The following EBF3 variants were observed in gnomAD, a reference collection of about 807,000 sequenced individuals.
The protein encoded by EBF3 is EBF transcription factor 3, also known as transcription factor COE3.
EBF3 carries 18 observed loss-of-function variants against 77.1 expected under a neutral mutation model. The observed-to-expected ratio is 0.23, with a 90% CI of 0.16 to 0.35. EBF3 has a LOEUF of 0.35. Among genes scored for constraint, EBF3 ranks in the 10% least tolerant of loss-of-function variants. The probability of loss-of-function intolerance (pLI) is 1.00; values close to 1 mark genes in which losing one functional copy is unlikely to be tolerated. For missense variants in EBF3, 558 were observed against 860.0 expected (o/e 0.65, Z 4.39); for synonymous variants, 350 against 343.5 (o/e 1.02, Z -0.21).
chr10:129,947,740 C>T lies in EBF3; in HGVS notation c.554+9518G>A, dbSNP rs905683349. Among the ~76,000 whole-genome samples, 3 of 150,596 alleles carry T rather than the reference C, an allele frequency of 2.0e-5. No individual in the cohort carries two copies. Among genetic ancestry groups the T allele is most frequent in the African/African-American group, 7.3e-5 (3 of 40,894 alleles). Reference sequence around the variant, plus strand: ...GCAAACTTCTGAAAGCCTGGTGAACCCCACTGATGACATCCAAACACCGAA... The same window carrying T: ...GCAAACTTCTGAAAGCCTGGTGAACTCCACTGATGACATCCAAACACCGAA... On this transcript the variant is annotated intron_variant, in intron 6 of 16. Transcript: ENST00000440978. The surrounding 1 kb of genome is among the most constrained non-coding windows in gnomAD (Gnocchi z 4.5).
At chr10:129,857,194 A>G (rs2134018832) in intron 10 of EBF3, among the ~76,000 whole-genome samples, 1 of 152,358 alleles carries the variant, frequency 6.6e-6, no homozygotes, top group South Asian at 2.1e-4. Flanking sequence ...CTTTAAAGAC[A>G]TCACCAAGAT....
intron 9 of EBF3, 33 bp from the exon 10 acceptor site, chr10:129,867,300 C>G: frequency 6.2e-7 from 1 of 1,612,062 alleles, no homozygotes; most frequent in South Asian, 1.1e-5. Context: ...AGGCGCTCAG[C>G]GGCGCTGGCT....
chr10:129,840,185 C>CA, intron 15 of EBF3, 60 bp downstream of exon 15: 216 of 1,368,514 alleles, frequency 1.6e-4, no homozygotes, highest in Non-Finnish European at 2.0e-4. Flanking sequence ...CCCACCCCCA[C>CA]TCCCATCCCC....
intron 4 of EBF3, among the ~76,000 whole-genome samples, chr10:129,960,063 C>T (rs1273445173): frequency 4.0e-5 from 6 of 151,368 alleles, no homozygotes; most frequent in African/African-American, 1.5e-4. Context: ...GATCGGGAGC[C>T]GCCCGCCCGG....
At chr10:129,869,782 A>G (rs1259415129) in intron 8 of EBF3, among the ~76,000 whole-genome samples, 2 of 152,234 alleles carry the variant, frequency 1.3e-5, no homozygotes, top group Non-Finnish European at 2.9e-5. Flanking sequence ...GCAGAGGCGC[A>G]GAGCACACAC....
chr10:129,884,450 T>C (rs925245521), intron 6 of EBF3, among the ~76,000 whole-genome samples: 1 of 152,234 alleles, frequency 6.6e-6, no homozygotes, highest in Admixed American at 6.5e-5. Flanking sequence ...CGTTCTTTAA[T>C]GCCATACGGG....
chr10:129,867,794 C>T lies in EBF3; in HGVS notation c.900G>A (p.Leu300=), dbSNP rs745429724. The T allele has an allele frequency of 3.3e-5, 53 of 1,614,100 alleles. No homozygotes were observed. The highest frequency in any genetic ancestry group is 8.3e-5 in the Admixed American group (5 of 60,014). Residue 300 remains leucine (L), a synonymous_variant, in exon 9 of 17, where the codon TTG becomes TTA. Transcript: ENST00000440978. ...DGLQVVFGTM[L]VWSELITPHA... Reference sequence around the variant, plus strand: ...TCCGCGGGCTTACCTCGCTCCACACCAACATAGTTCCGAATACAACTTGCA... The same window carrying T: ...TCCGCGGGCTTACCTCGCTCCACACTAACATAGTTCCGAATACAACTTGCA...
intron 6 of EBF3, among the ~76,000 whole-genome samples, chr10:129,954,964 G>A (rs925346540): frequency 2.0e-5 from 3 of 152,076 alleles, no homozygotes; most frequent in Non-Finnish European, 4.4e-5. Flanking sequence ...ACGCATCTCA[G>A]TTGCAAAAGA....
Position 129,943,339 on chromosome 10 carries a change from CA to C in EBF3, c.554+13918del, listed in dbSNP as rs535266860. ...GAAGCAAATTGGATTTGCCCTATCACAAAAAAAATTAATTCCAGATTGTAGT... is the reference window on the plus strand; with the variant it reads ...GAAGCAAATTGGATTTGCCCTATCACAAAAAAATTAATTCCAGATTGTAGT... On this transcript the variant is annotated intron_variant, in intron 6 of 16. Transcript: ENST00000440978. The surrounding 1 kb of genome is among the most constrained non-coding windows in gnomAD (Gnocchi z 8.8). Among the ~76,000 whole-genome samples the C allele has an allele frequency of 6.6e-6, 1 of 152,154 alleles. No homozygotes were observed. The highest frequency in any genetic ancestry group is 1.9e-4 in the East Asian group (1 of 5,184).
chr10:129,901,547 C>T (rs1024489420), intron 6 of EBF3, among the ~76,000 whole-genome samples: 1 of 152,226 alleles, frequency 6.6e-6, no homozygotes, highest in South Asian at 2.1e-4. Context: ...CACCACATTT[C>T]TCTTTGTGTT....
At chr10:129,892,809 AC>A (rs1854112691) in intron 6 of EBF3, among the ~76,000 whole-genome samples, 1 of 152,242 alleles carries the variant, frequency 6.6e-6, no homozygotes, top group African/African-American at 2.4e-5. Flanking sequence ...ACGAGGCATA[AC>A]AAGCCAGCTT....
At chr10:129,962,857 A>C (rs1308872408) in intron 3 of EBF3, 85 bp downstream of exon 3, 14 of 1,499,464 alleles carry the variant, frequency 9.3e-6, no homozygotes, top group Non-Finnish European at 1.3e-5. Flanking sequence ...ATGTCATTTT[A>C]ATCTCAAATC....
chr10:129,945,312 T>G (rs1161902293), intron 6 of EBF3, among the ~76,000 whole-genome samples: 1 of 152,160 alleles, frequency 6.6e-6, no homozygotes, highest in Non-Finnish European at 1.5e-5. Flanking sequence ...TTTCCTAACC[T>G]TTCAGATAAC....
chr10:129,910,511 C>T (rs892732403), intron 6 of EBF3, among the ~76,000 whole-genome samples: 4 of 152,134 alleles, frequency 2.6e-5, no homozygotes, highest in African/African-American at 9.7e-5. Context: ...TCCGAAGAGC[C>T]ATCCCCCACC....
At chr10:129,874,278 C>T (rs1202330492) in intron 7 of EBF3, among the ~76,000 whole-genome samples, 2 of 152,130 alleles carry the variant, frequency 1.3e-5, no homozygotes, top group East Asian at 1.9e-4. Context: ...CTCTCTGTTG[C>T]GGTGAGAGGC....
intron 6 of EBF3, among the ~76,000 whole-genome samples, chr10:129,937,404 C>A (rs550022355): frequency 6.6e-6 from 1 of 152,178 alleles, no homozygotes; most frequent in Non-Finnish European, 1.5e-5. Context: ...GCCCCAGGGA[C>A]CTCAGGTGGG....
chr10:129,921,821 G>A (rs1292104471), intron 6 of EBF3, among the ~76,000 whole-genome samples: 2 of 152,200 alleles, frequency 1.3e-5, no homozygotes, highest in Admixed American at 6.5e-5. Flanking sequence ...CAAATGCTGA[G>A]GCCTCAAACA....
chr10:129,915,847 G>A (rs2134322495), intron 6 of EBF3, among the ~76,000 whole-genome samples: 1 of 152,342 alleles, frequency 6.6e-6, no homozygotes, highest in Non-Finnish European at 1.5e-5. Context: ...AGAGGGGGTG[G>A]CTCCAGCTCT....
chr10:129,874,101 C>T (rs1271267784), intron 7 of EBF3, among the ~76,000 whole-genome samples: 1 of 152,124 alleles, frequency 6.6e-6, no homozygotes, highest in Non-Finnish European at 1.5e-5. Flanking sequence ...GGAAACGATC[C>T]CTGGGTCAAT....
Sources: gnomAD v4.1 joint callset for allele counts (sites outside exome capture counted in the v4.1 genomes callset) on GRCh38, gnomAD v4.1.1 for gene constraint, Gnocchi (gnomAD v3.1) non-coding constraint, MANE v1.5 for transcripts, NCBI Gene and HGNC (gene_info 2026-07-23, HGNC 2026-07-21) for gene names.